Variants in PCDH15 observed in about 807,000 individuals in gnomAD.
PCDH15 encodes protocadherin-15.
A neutral mutation model predicts 178.5 loss-of-function variants in PCDH15; 129 were observed. The ratio of observed to expected loss-of-function variants is 0.72; its 90% CI spans 0.63 to 0.84. The LOEUF is 0.84. Ranked by LOEUF, PCDH15 falls within the 40% of genes least tolerant of loss-of-function variation. The probability of loss-of-function intolerance (pLI) is 0.00; values close to 1 mark genes in which losing one functional copy is unlikely to be tolerated. For synonymous variants in PCDH15, 800 were observed against 732.0 expected, an observed-to-expected ratio of 1.09 and a Z score of -1.50; for missense variants, 2,230 against 2,099.9, an observed-to-expected ratio of 1.06 and a Z score of -1.21.
intron 2 of PCDH15, among the ~76,000 whole-genome samples, chr10:55,120,828 A>C (rs1287621616): frequency 6.6e-6 from 1 of 152,152 alleles, no homozygotes; most frequent in Non-Finnish European, 1.5e-5. Flanking sequence ...GTAAATCTTC[A>C]TGGCGTTTGC....
chr10:55,164,093 G>A (rs549018927), intron 2 of PCDH15, among the ~76,000 whole-genome samples: 1 of 152,126 alleles, frequency 6.6e-6, no homozygotes, highest in Non-Finnish European at 1.5e-5. Flanking sequence ...GAGGCCACAC[G>A]ATGCAGTAGA....
At chr10:54,349,263 C>T (rs563006024) in intron 5 of PCDH15, among the ~76,000 whole-genome samples, 1 of 152,082 alleles carries the variant, frequency 6.6e-6, no homozygotes, top group Non-Finnish European at 1.5e-5. Flanking sequence ...CAAAGCCCTA[C>T]AACTTAGGGA....
At chr10:54,803,720 A>G (rs11004582), upstream of PCDH15, among the ~76,000 whole-genome samples, 13,773 of 152,272 alleles carry the variant, frequency 0.09, 869 homozygotes, top group East Asian at 0.21. Context: ...TCTTTAAATC[A>G]TAGCTGTCAA....
intron 2 of PCDH15, among the ~76,000 whole-genome samples, chr10:54,927,320 GT>G (rs954225766): frequency 6.6e-6 from 1 of 151,944 alleles, no homozygotes. Flanking sequence ...GATTTTAGGT[GT>G]TTTACCTTTG....
chr10:54,038,522 T>C (rs879538845), intron 18 of PCDH15, among the ~76,000 whole-genome samples: 1 of 151,920 alleles, frequency 6.6e-6, no homozygotes, highest in Non-Finnish European at 1.5e-5. Flanking sequence ...CAATTGCATG[T>C]CACAGTTTTT....
chr10:54,722,593 A>AG (rs199772760), intron 1 of PCDH15, among the ~76,000 whole-genome samples: 16,377 of 147,796 alleles, frequency 0.11, 967 homozygotes, highest in African/African-American at 0.15. Context: ...AAAAAAAAAA[A>AG]ATGTCAAATT....
At position 54,752,513 on chromosome 10, in the gene PCDH15, C is replaced by T. The variant is rs796507971; in HGVS notation, c.-29+48412G>A. ...AAAACAAAAAACAAAAAACAAAAAA[C>T]AAACAAACAAACAAACAAAAAAAAA... is the stretch of plus-strand genomic sequence containing the variant. On this transcript the variant is annotated intron_variant, in intron 1 of 37. Coordinates refer to ENST00000644397, the MANE Select transcript of PCDH15 (RefSeq NM_001384140.1). Among the ~76,000 whole-genome samples, 18 of 54,672 alleles carry T rather than the reference C, an allele frequency of 3.3e-4. 2 individuals carry two copies. The East Asian group carries it at 4.6e-3, about 14-fold the overall frequency. 35.9% of individuals were successfully genotyped at this position (54,672 alleles called of 152,430 possible). A position where few individuals can be genotyped will look rare whatever the true frequency, so the allele number is the denominator to read the frequency against.
intron 1 of PCDH15, among the ~76,000 whole-genome samples, chr10:55,243,546 C>T (rs993817619): frequency 2.0e-5 from 3 of 152,120 alleles, no homozygotes; most frequent in African/African-American, 7.2e-5. Flanking sequence ...GATGTTTCTC[C>T]TGGAGTGGGT....
chr10:54,715,548 AC>A (rs1258546646), intron 1 of PCDH15, among the ~76,000 whole-genome samples: 1 of 152,028 alleles, frequency 6.6e-6, no homozygotes, highest in African/African-American at 2.4e-5. Context: ...TGGGCAAGCC[AC>A]CCCCTGATGG....
At chr10:54,422,682 G>A (rs1420723161) in intron 3 of PCDH15, among the ~76,000 whole-genome samples, 2 of 151,956 alleles carry the variant, frequency 1.3e-5, no homozygotes, top group South Asian at 2.1e-4. Context: ...AAATTGTCCC[G>A]GCTTGAGAAT....
At chr10:54,618,067 A>T (rs117884673) in intron 2 of PCDH15, among the ~76,000 whole-genome samples, 1 of 152,136 alleles carries the variant, frequency 6.6e-6, no homozygotes, top group Non-Finnish European at 1.5e-5. Context: ...GAATTCTTCT[A>T]TAAATTCTAC....
intron 8 of PCDH15, among the ~76,000 whole-genome samples, chr10:54,271,040 T>C (rs1181317138): frequency 1.3e-5 from 2 of 152,170 alleles, no homozygotes; most frequent in African/African-American, 2.4e-5. Context: ...GAGAATTTCA[T>C]GAAAATCACT....
intron 20 of PCDH15, among the ~76,000 whole-genome samples, chr10:54,008,673 A>G (rs1270121448): frequency 6.6e-6 from 1 of 152,102 alleles, no homozygotes. Flanking sequence ...TTGAGGATCT[A>G]TTTTTCGATC....
intron 2 of PCDH15, among the ~76,000 whole-genome samples, chr10:54,658,437 A>G (rs1412033124): frequency 6.6e-6 from 1 of 152,198 alleles, no homozygotes; most frequent in Non-Finnish European, 1.5e-5. Context: ...ACTTCTCAGC[A>G]GCAACCTTAC....
At chr10:55,136,589 G>A (rs1460480304) in intron 2 of PCDH15, among the ~76,000 whole-genome samples, 1 of 151,968 alleles carries the variant, frequency 6.6e-6, no homozygotes, top group Non-Finnish European at 1.5e-5. Context: ...ATCAAAGAGG[G>A]GTAAAGGAAG....
chr10:54,544,928 A>G (rs897027656), intron 2 of PCDH15, among the ~76,000 whole-genome samples: 10 of 152,162 alleles, frequency 6.6e-5, no homozygotes, highest in Non-Finnish European at 1.5e-4. Context: ...TATGTCTATC[A>G]TCAGGAGGTT....
chr10:54,626,696 G>A (rs1045136488), intron 2 of PCDH15, among the ~76,000 whole-genome samples: 1 of 152,150 alleles, frequency 6.6e-6, no homozygotes, highest in African/African-American at 2.4e-5. Context: ...GTGCAGAAGG[G>A]AAATGTGGGG....
At chr10:54,785,678 T>C (rs551518387) in intron 1 of PCDH15, among the ~76,000 whole-genome samples, 27 of 152,140 alleles carry the variant, frequency 1.8e-4, no homozygotes, top group South Asian at 1.5e-3. Context: ...TACTAATTCT[T>C]TGTAAACTTA....
chr10:55,230,452 C>A (rs1002606151), intron 1 of PCDH15, among the ~76,000 whole-genome samples: 2 of 152,056 alleles, frequency 1.3e-5, no homozygotes, highest in African/African-American at 4.8e-5. Flanking sequence ...TTAAGCAATA[C>A]ATTTTGACTC....
Sources: gnomAD v4.1 joint callset for allele counts (sites outside exome capture counted in the v4.1 genomes callset) on GRCh38, gnomAD v4.1.1 for gene constraint, MANE v1.5 for transcripts, NCBI Gene and HGNC (gene_info 2026-07-23, HGNC 2026-07-21) for gene names.